Variants in PSMA1 observed in about 807,000 individuals in gnomAD.
PSMA1 encodes the protein proteasome 20S subunit alpha 1.
A neutral mutation model predicts 38.4 loss-of-function variants in PSMA1; 3 were observed. The observed-to-expected ratio is 0.08, with a 90% CI of 0.04 to 0.20. The LOEUF (loss-of-function observed/expected upper bound fraction) is 0.20, where lower values mean the gene tolerates loss of function less well. Among genes scored for constraint, PSMA1 ranks in the 10% least tolerant of loss-of-function variants. The pLI is 1.00. For missense variants in PSMA1, 227 were observed against 325.3 expected, an observed-to-expected ratio of 0.70 and a Z score of 2.32; for synonymous variants, 101 against 107.1, an observed-to-expected ratio of 0.94 and a Z score of 0.35.
At chr11:14,608,438 C>T (rs1381831738) in intron 2 of PSMA1, among the ~76,000 whole-genome samples, 1 of 151,198 alleles carries the variant, frequency 6.6e-6, no homozygotes, top group African/African-American at 2.4e-5. Context: ...GGAGGGTTAG[C>T]ATTAGGAGAT....
intron 2 of PSMA1, among the ~76,000 whole-genome samples, chr11:14,597,998 C>T (rs1013965101): frequency 2.0e-5 from 3 of 152,098 alleles, no homozygotes; most frequent in Non-Finnish European, 2.9e-5. Context: ...GCCTTCATTT[C>T]GTTATTTACC....
At chr11:14,613,669 A>G (rs958979586) in intron 1 of PSMA1, among the ~76,000 whole-genome samples, 2 of 152,212 alleles carry the variant, frequency 1.3e-5, no homozygotes, top group Non-Finnish European at 2.9e-5. Flanking sequence ...AGGAAATTAC[A>G]CAAAAGAAGT....
At chr11:14,517,435 G>A (rs1255507564) in intron 4 of PSMA1, among the ~76,000 whole-genome samples, 1 of 152,136 alleles carries the variant, frequency 6.6e-6, no homozygotes, top group African/African-American at 2.4e-5. Context: ...CTTCTGAAAA[G>A]TGCTAATGTT....
upstream of PSMA1, among the ~76,000 whole-genome samples, chr11:14,521,492 A>AG (rs1234007154): frequency 1.4e-3 from 90 of 64,042 alleles, no homozygotes; most frequent in African/African-American, 3.3e-3. Context: ...ATTCTGTTTC[A>AG]AAAAAAAAAA....
intron 1 of PSMA1, among the ~76,000 whole-genome samples, chr11:14,617,076 C>T (rs1391343261): frequency 6.6e-6 from 1 of 152,200 alleles, no homozygotes; most frequent in Non-Finnish European, 1.5e-5. Flanking sequence ...ATCTTCTTTT[C>T]AGGCTGCCTG....
At chr11:14,516,819 G>A (rs1426389653) in intron 4 of PSMA1, among the ~76,000 whole-genome samples, 4 of 152,104 alleles carry the variant, frequency 2.6e-5, no homozygotes, top group East Asian at 1.9e-4. Context: ...CCAGCTACTC[G>A]GGAGGCTGAG....
chr11:14,561,794 CTAAACTAAACTAAAT>C (rs1388461322), intron 2 of PSMA1, among the ~76,000 whole-genome samples: 3 of 142,784 alleles, frequency 2.1e-5, no homozygotes, highest in African/African-American at 5.1e-5. Flanking sequence ...TAGTCCTAAA[CTAAACTAAACTAAAT>C]TAAACTAAAC....
At chr11:14,506,974 G>A (rs1851253983) in intron 9 of PSMA1, among the ~76,000 whole-genome samples, 1 of 152,132 alleles carries the variant, frequency 6.6e-6, no homozygotes, top group Non-Finnish European at 1.5e-5. Flanking sequence ...AGTTATCTTG[G>A]GTGTTCCAGT....
intron 2 of PSMA1, among the ~76,000 whole-genome samples, chr11:14,607,507 C>A (rs1403043860): frequency 2.6e-5 from 4 of 152,202 alleles, no homozygotes; most frequent in East Asian, 1.9e-4. Context: ...CATTGTACCC[C>A]TGGCTGAAAA....
At chr11:14,567,280 T>G (rs1370197246) in intron 2 of PSMA1, among the ~76,000 whole-genome samples, 1 of 152,186 alleles carries the variant, frequency 6.6e-6, no homozygotes, top group Non-Finnish European at 1.5e-5. Context: ...CACCTTCTTT[T>G]CTATTTTAGC....
At chr11:14,611,225 C>CA (rs1565058023) in intron 1 of PSMA1, 1 of 480,158 alleles carries the variant, frequency 2.1e-6, no homozygotes, top group Non-Finnish European at 3.7e-6. Context: ...TTCCTCATCT[C>CA]AAACTCACCA....
chr11:14,571,322 C>T (rs755267521), intron 2 of PSMA1, among the ~76,000 whole-genome samples: 1 of 152,202 alleles, frequency 6.6e-6, no homozygotes, highest in South Asian at 2.1e-4. Flanking sequence ...CTTGGCCTCC[C>T]AAAGTGCTGG....
chr11:14,535,282 A>G (rs1171646921), intron 2 of PSMA1, among the ~76,000 whole-genome samples: 1 of 152,006 alleles, frequency 6.6e-6, no homozygotes, highest in Non-Finnish European at 1.5e-5. Context: ...TTCCTCCCTC[A>G]GTGTGTGACT....
Position 14,528,932 on chromosome 11 carries a change from AT to A in PSMA1, c.22-9892del, listed in dbSNP as rs1464789077. Among the ~76,000 whole-genome samples the A allele has an allele frequency of 3.6e-4, 55 of 152,236 alleles. No individual in the cohort carries two copies. In the East Asian group the frequency reaches 9.3e-3, roughly 26 times the overall value. On this transcript the variant is annotated intron_variant, in intron 2 of 10. Transcript: ENST00000418988. Reference sequence around the variant, plus strand: ...CCTATCCCAAAATCTTTAAGAACTAATTAATGATAATCCACCACCCGTTGCT... The same window carrying A: ...CCTATCCCAAAATCTTTAAGAACTAATAATGATAATCCACCACCCGTTGCT...
Position 14,513,671 on chromosome 11 carries a change from C to A in PSMA1, c.443G>T (p.Cys148Phe). ...DDMGPHIFQT[C>F]PSANYFDCRA... ...GCAGTCAAAATAGTTAGCAGATGGA[C>A]AGGTTTGGAAAATGTGAGGGCCCAT... The change falls in exon 7 of 10, where the codon TGT becomes TTT. Residue 148 changes from cysteine to phenylalanine, a missense_variant. Physicochemically the swap from Cys to Phe is radical, Grantham distance 205. Coordinates refer to ENST00000396394, the MANE Select transcript of PSMA1 (RefSeq NM_002786.4). 1 of 1,590,626 alleles carries A rather than the reference C, an allele frequency of 6.3e-7. No homozygotes were observed.
upstream of PSMA1, among the ~76,000 whole-genome samples, chr11:14,523,938 T>G (rs1589982573): frequency 6.6e-6 from 1 of 151,484 alleles, no homozygotes. Flanking sequence ...ATAAAGATAT[T>G]TTGTAGGAAG....
At chr11:14,584,465 G>C (rs1852316461) in intron 2 of PSMA1, among the ~76,000 whole-genome samples, 2 of 151,504 alleles carry the variant, frequency 1.3e-5, no homozygotes, top group South Asian at 4.2e-4. Flanking sequence ...TCAGTTAATA[G>C]GCTATGTGAT....
intron 2 of PSMA1, among the ~76,000 whole-genome samples, chr11:14,560,649 G>A (rs1462439399): frequency 1.3e-5 from 2 of 152,108 alleles, no homozygotes; most frequent in Non-Finnish European, 2.9e-5. Context: ...CAGGGCCCAG[G>A]GCCACTCCTA....
intron 2 of PSMA1, among the ~76,000 whole-genome samples, chr11:14,528,398 C>G: frequency 6.6e-6 from 1 of 152,064 alleles, no homozygotes; most frequent in Non-Finnish European, 1.5e-5. Flanking sequence ...ATCACCAATA[C>G]TATATGACAA....
Sources: allele counts gnomAD v4.1 joint callset (sites outside exome capture counted in the v4.1 genomes callset), GRCh38; gene constraint gnomAD v4.1.1; transcripts MANE v1.5; gene names NCBI Gene and HGNC (gene_info 2026-07-23, HGNC 2026-07-21).